The following FER variants were observed in gnomAD, a reference collection of about 807,000 sequenced individuals.
The protein encoded by FER is FER tyrosine kinase.
A neutral mutation model predicts 111.0 loss-of-function variants in FER; 63 were observed. That is an observed-to-expected ratio of 0.57 (90% CI 0.46 to 0.70). The LOEUF (loss-of-function observed/expected upper bound fraction) is 0.70, where lower values mean the gene tolerates loss of function less well. Among genes scored for constraint, FER ranks in the 30% least tolerant of loss-of-function variants. FER has a pLI of 0.00. For missense variants in FER, 914 were observed against 954.0 expected, an observed-to-expected ratio of 0.96 and a Z score of 0.55; for synonymous variants, 327 against 313.9, an observed-to-expected ratio of 1.04 and a Z score of -0.44.
Position 108,798,298 on chromosome 5 carries a change from A to T in FER, c.116A>T (p.Asp39Val). 6.2e-7 allele frequency: 1 copy of T among 1,613,838 alleles called. No individual in the cohort carries two copies. Residue 39 changes from aspartate (D) to valine (V), a missense_variant, in exon 3 of 20, where the codon GAT becomes GTT. By Grantham distance (152) the Asp-to-Val change is radical. Coordinates refer to ENST00000281092, the MANE Select transcript of FER (RefSeq NM_005246.4). The stretch of plus-strand genomic sequence containing the variant: ...TTTATGGCCCTGAGAATAAAAAGTG[A>T]TAAAGAATATGCATCTACTTTACAG... ...KKFMALRIKS[D>V]KEYASTLQNL...
chr5:108,760,955 G>T (rs553584523), intron 1 of FER, among the ~76,000 whole-genome samples: 1 of 151,490 alleles, frequency 6.6e-6, no homozygotes, highest in African/African-American at 2.4e-5. Flanking sequence ...TTTTGAGATG[G>T]AGTCTCGCTC....
intron 17 of FER, among the ~76,000 whole-genome samples, chr5:109,118,906 A>C (rs1458669075): frequency 6.7e-6 from 1 of 149,460 alleles, no homozygotes; most frequent in African/African-American, 2.5e-5. Flanking sequence ...TTTCTTTATT[A>C]GTCTTGCTAG....
intron 2 of FER, among the ~76,000 whole-genome samples, chr5:108,795,140 A>G (rs923718000): frequency 5.3e-5 from 8 of 152,182 alleles, no homozygotes; most frequent in African/African-American, 1.7e-4. Context: ...CCTGGGCAAC[A>G]AAGTGTGACC....
chr5:109,041,863 A>G (rs1163332690), intron 14 of FER, among the ~76,000 whole-genome samples: 4 of 152,174 alleles, frequency 2.6e-5, no homozygotes, highest in Non-Finnish European at 5.9e-5. Flanking sequence ...AGTGATAAGT[A>G]GGTAATAGAA....
chr5:108,918,275 T>C (rs1192881526), intron 10 of FER, among the ~76,000 whole-genome samples: 1 of 152,188 alleles, frequency 6.6e-6, no homozygotes, highest in Non-Finnish European at 1.5e-5. Flanking sequence ...ACGTTCTTAG[T>C]GGCGGTGCCC....
chr5:108,918,647 T>C (rs1024175659), intron 10 of FER, among the ~76,000 whole-genome samples: 24 of 151,888 alleles, frequency 1.6e-4, no homozygotes, highest in African/African-American at 1.9e-4. Flanking sequence ...CCACCACGCC[T>C]GGCTAATTTT....
In FER at chr5:108,946,178, G is replaced by C; in HGVS notation, c.1285G>C (p.Ala429Pro). The C allele has an allele frequency of 1.2e-6, 2 of 1,612,350 alleles. No homozygotes were observed. Among genetic ancestry groups the C allele is most frequent in the Non-Finnish European group, 1.7e-6 (2 of 1,178,964 alleles). The change falls in exon 11 of 20, where the codon GCT becomes CCT. Residue 429 changes from alanine to proline, a missense_variant. Transcript: ENST00000281092. ...SKFESIRHSI[A>P]GIIRSPKSAL... ...ATTTGAATCTATTCGTCATTCAATT[G>C]CTGGAATAATTAGGTCTCCAAAATC...
intron 17 of FER, among the ~76,000 whole-genome samples, chr5:109,153,557 G>A (rs1755068844): frequency 6.6e-6 from 1 of 151,882 alleles, no homozygotes; most frequent in Admixed American, 6.6e-5. Flanking sequence ...ACAGTGGGAA[G>A]AGTGAGCACC....
chr5:108,769,501 AT>A (rs1223650030), intron 2 of FER, among the ~76,000 whole-genome samples: 1 of 152,186 alleles, frequency 6.6e-6, no homozygotes, highest in Non-Finnish European at 1.5e-5. Flanking sequence ...ATTTTATATC[AT>A]TTTAACTGCT....
intron 2 of FER, among the ~76,000 whole-genome samples, chr5:108,780,842 G>T (rs569006449): frequency 7.4e-6 from 1 of 135,120 alleles, no homozygotes; most frequent in African/African-American, 3.0e-5. Flanking sequence ...TTTTCTGTTT[G>T]CTTTGTAGTT....
chr5:109,130,060 G>GT (rs71808956), intron 17 of FER, among the ~76,000 whole-genome samples: 4,303 of 150,436 alleles, frequency 0.029, 81 homozygotes, highest in Middle Eastern at 0.092. Flanking sequence ...TTGTGCGTAG[G>GT]TTTTTTTTTA....
At chr5:108,749,231 C>T (rs1016825036) in intron 1 of FER, among the ~76,000 whole-genome samples, 2 of 152,028 alleles carry the variant, frequency 1.3e-5, no homozygotes, top group African/African-American at 4.8e-5. Flanking sequence ...CTCCCGCCCG[C>T]AGCAGAGCAT....
chr5:109,145,409 A>G (rs1311329172), intron 17 of FER, among the ~76,000 whole-genome samples: 1 of 121,726 alleles, frequency 8.2e-6, no homozygotes, highest in Non-Finnish European at 1.9e-5. Context: ...AAACTTTCTC[A>G]TATCATTTTA....
At chr5:108,977,972 A>G (rs1554106835) in intron 13 of FER, among the ~76,000 whole-genome samples, 2 of 152,186 alleles carry the variant, frequency 1.3e-5, no homozygotes, top group Non-Finnish European at 2.9e-5. Flanking sequence ...CAGCCTCCCG[A>G]GGTAGCTGGG....
intron 17 of FER, among the ~76,000 whole-genome samples, chr5:109,118,516 C>T (rs1750560726): frequency 6.6e-6 from 1 of 152,062 alleles, no homozygotes; most frequent in Non-Finnish European, 1.5e-5. Context: ...TGATGCTGGC[C>T]TCATAAAATG....
At chr5:109,075,707 A>G (rs936764097) in intron 16 of FER, among the ~76,000 whole-genome samples, 17 of 151,946 alleles carry the variant, frequency 1.1e-4, no homozygotes, top group African/African-American at 3.6e-4. Flanking sequence ...ACATGCGTGA[A>G]CCACCATGCC....
At chr5:109,014,703 C>T (rs1366672741) in intron 13 of FER, 1 of 152,092 alleles carries the variant, frequency 6.6e-6, no homozygotes, top group East Asian at 1.9e-4. Flanking sequence ...ATTGATTCTT[C>T]CTACCCATGA....
At chr5:109,149,885 C>G (rs1271116342) in intron 17 of FER, among the ~76,000 whole-genome samples, 1 of 152,138 alleles carries the variant, frequency 6.6e-6, no homozygotes, top group African/African-American at 2.4e-5. Flanking sequence ...AGCTGCCCAG[C>G]AGGAAGTGAG....
intron 10 of FER, among the ~76,000 whole-genome samples, chr5:108,925,826 G>A (rs1437234062): frequency 2.0e-5 from 3 of 151,958 alleles, no homozygotes; most frequent in Admixed American, 2.0e-4. Flanking sequence ...GTGTGCATAA[G>A]TTTTGCTTAT....
Sources: allele counts gnomAD v4.1 joint callset (sites outside exome capture counted in the v4.1 genomes callset), GRCh38; gene constraint gnomAD v4.1.1; transcripts MANE v1.5; gene names NCBI Gene and HGNC (gene_info 2026-07-23, HGNC 2026-07-21).